The following MINDY2 variants were observed in gnomAD, a reference collection of about 807,000 sequenced individuals.
The protein encoded by MINDY2 is ubiquitin carboxyl-terminal hydrolase MINDY-2.
A neutral mutation model predicts 68.2 loss-of-function variants in MINDY2; 52 were observed. That is an observed-to-expected ratio of 0.76 (90% confidence interval 0.61 to 0.96). The LOEUF (loss-of-function observed/expected upper bound fraction) is 0.96, where lower values mean the gene tolerates loss of function less well. Ranked by LOEUF, MINDY2 falls within the 40% of genes least tolerant of loss-of-function variation. The pLI is 0.00. For synonymous variants in MINDY2, 372 were observed against 303.0 expected, an observed-to-expected ratio of 1.23 and a Z score of -2.36; for missense variants, 881 against 773.4, an observed-to-expected ratio of 1.14 and a Z score of -1.65.
chr15:58,832,931 G>A (rs1208741215), intron 6 of MINDY2, among the ~76,000 whole-genome samples: 1 of 152,166 alleles, frequency 6.6e-6, no homozygotes, highest in Non-Finnish European at 1.5e-5. Flanking sequence ...TTATGATACT[G>A]TTTGCTATTA....
At chr15:58,814,082 C>T (rs777042098) in intron 4 of MINDY2, among the ~76,000 whole-genome samples, 3 of 151,468 alleles carry the variant, frequency 2.0e-5, no homozygotes, top group East Asian at 2.0e-4. Context: ...GGATTACAGG[C>T]GCCCACCACC....
chr15:58,799,846 G>A lies in MINDY2; in HGVS notation c.899-2467G>A, dbSNP rs184760645. Among the ~76,000 whole-genome samples, 15 of 152,246 alleles carry A rather than the reference G, an allele frequency of 9.9e-5. No homozygotes were observed. In the East Asian group the frequency reaches 2.7e-3, roughly 27 times the overall value. On this transcript the variant is annotated intron_variant, in intron 2 of 8. Coordinates refer to ENST00000559228, the MANE Select transcript of MINDY2 (RefSeq NM_001040450.3). ...TAGGAAGTGTAATAAAGTAAGGTGT[G>A]GAAGAGATGTAGGGAGAAGGCAGGA...
chr15:58,841,287 T>C (rs1463463327), intron 6 of MINDY2, among the ~76,000 whole-genome samples: 1 of 151,698 alleles, frequency 6.6e-6, no homozygotes, highest in Non-Finnish European at 1.5e-5. Context: ...TGAGCCAACT[T>C]CATGATTTTC....
chr15:58,792,470 G>A (rs902448923), intron 2 of MINDY2, among the ~76,000 whole-genome samples: 1 of 152,190 alleles, frequency 6.6e-6, no homozygotes, highest in Non-Finnish European at 1.5e-5. Context: ...GCCGGGCGTG[G>A]TGGCACATGC....
intron 6 of MINDY2, among the ~76,000 whole-genome samples, chr15:58,839,342 GTTTT>G (rs1222458752): frequency 1.3e-5 from 2 of 151,824 alleles, no homozygotes; most frequent in African/African-American, 2.4e-5. Flanking sequence ...TTGTTTGTTT[GTTTT>G]TTTGAGATGA....
chr15:58,803,313 A>G (rs966279754), intron 3 of MINDY2, among the ~76,000 whole-genome samples: 3 of 151,196 alleles, frequency 2.0e-5, no homozygotes, highest in Non-Finnish European at 4.4e-5. Context: ...AAAAATACAA[A>G]AAAAATTAGC....
At chr15:58,804,793 G>A (rs1250788322) in intron 3 of MINDY2, among the ~76,000 whole-genome samples, 1 of 151,078 alleles carries the variant, frequency 6.6e-6, no homozygotes, top group Non-Finnish European at 1.5e-5. Flanking sequence ...ACAACAGAGT[G>A]AGACCCTGTT....
At chr15:58,794,022 C>T (rs1902107271) in intron 2 of MINDY2, among the ~76,000 whole-genome samples, 1 of 152,052 alleles carries the variant, frequency 6.6e-6, no homozygotes, top group South Asian at 2.1e-4. Context: ...AGGATTTAAC[C>T]AGAGCTGGAC....
intron 3 of MINDY2, 150 bp downstream of exon 3, chr15:58,802,527 A>G: frequency 2.3e-6 from 1 of 435,916 alleles, no homozygotes; most frequent in Non-Finnish European, 4.1e-6. Context: ...TCTATTACAT[A>G]TTCTTTGTTT....
chr15:58,795,773 T>TC (rs1902244572), intron 2 of MINDY2, among the ~76,000 whole-genome samples: 1 of 151,966 alleles, frequency 6.6e-6, no homozygotes, highest in Non-Finnish European at 1.5e-5. Flanking sequence ...AAGTTTTTTT[T>TC]TTCTTTTTTT....
intron 5 of MINDY2, among the ~76,000 whole-genome samples, chr15:58,828,802 C>T (rs1253184933): frequency 6.6e-6 from 1 of 151,796 alleles, no homozygotes; most frequent in Non-Finnish European, 1.5e-5. Flanking sequence ...ACCTCATGAT[C>T]CGCCCGCCTT....
chr15:58,773,327 G>A (rs552444118), intron 1 of MINDY2, among the ~76,000 whole-genome samples: 1 of 152,126 alleles, frequency 6.6e-6, no homozygotes, highest in East Asian at 1.9e-4. Context: ...AAACACTTAG[G>A]TAGAAAATCA....
intron 4 of MINDY2, 68 bp downstream of exon 4, chr15:58,810,456 C>T: frequency 7.4e-7 from 1 of 1,348,586 alleles, no homozygotes; most frequent in Non-Finnish European, 9.9e-7. Flanking sequence ...GCAAATTAAT[C>T]TCAATTTATA....
chr15:58,780,183 TC>T (rs1230311456), intron 1 of MINDY2, among the ~76,000 whole-genome samples: 1 of 152,100 alleles, frequency 6.6e-6, no homozygotes, highest in Non-Finnish European at 1.5e-5. Context: ...GGCAGGCGGA[TC>T]ACTTGATGTC....
intron 6 of MINDY2, among the ~76,000 whole-genome samples, chr15:58,834,444 A>C (rs1567068594): frequency 6.6e-6 from 1 of 152,190 alleles, no homozygotes; most frequent in African/African-American, 2.4e-5. Context: ...CTCAACCCAA[A>C]TTGTATGCTA....
At chr15:58,821,340 A>C (rs2031048155) in intron 4 of MINDY2, among the ~76,000 whole-genome samples, 1 of 151,852 alleles carries the variant, frequency 6.6e-6, no homozygotes, top group South Asian at 2.1e-4. Flanking sequence ...AAAAAAAAAA[A>C]AAACTTGATA....
intron 4 of MINDY2, chr15:58,815,410 GC>G (rs1567058367): frequency 1.3e-5 from 2 of 152,180 alleles, no homozygotes; most frequent in South Asian, 4.1e-4. Flanking sequence ...GAGTGCAGTG[GC>G]ACAGTCTTGG....
chr15:58,793,987 G>C (rs1902105265), intron 2 of MINDY2, among the ~76,000 whole-genome samples: 1 of 152,266 alleles, frequency 6.6e-6, no homozygotes, highest in African/African-American at 2.4e-5. Context: ...AGCTGCACGA[G>C]TCCAGGCCTG....
At chr15:58,780,383 C>G (rs1901056520) in intron 1 of MINDY2, among the ~76,000 whole-genome samples, 1 of 150,200 alleles carries the variant, frequency 6.7e-6, no homozygotes, top group South Asian at 2.1e-4. Flanking sequence ...GCCTGGGCAA[C>G]AAGAGCGAAA....
Sources: allele counts gnomAD v4.1 joint callset (sites outside exome capture counted in the v4.1 genomes callset), GRCh38; gene constraint gnomAD v4.1.1; transcripts MANE v1.5; gene names NCBI Gene and HGNC (gene_info 2026-07-23, HGNC 2026-07-21).